PRSS23: variants seen among roughly 807,000 people sequenced by gnomAD.
PRSS23 encodes serine protease 23.
A neutral mutation model predicts 34.7 loss-of-function variants in PRSS23; 25 were observed. The ratio of observed to expected loss-of-function variants is 0.72; its 90% CI spans 0.53 to 1.01. The LOEUF (loss-of-function observed/expected upper bound fraction) is 1.01, where lower values mean the gene tolerates loss of function less well. Ranked by LOEUF, PRSS23 falls within the 50% of genes least tolerant of loss-of-function variation. PRSS23 has a pLI of 0.00. For synonymous variants in PRSS23, 176 were observed against 186.6 expected, an observed-to-expected ratio of 0.94 and a Z score of 0.46; for missense variants, 445 against 475.6, an observed-to-expected ratio of 0.94 and a Z score of 0.60.
chr11:86,857,558 A>G (rs1419457604), intron 2 of PRSS23: 5 of 474,598 alleles, frequency 1.1e-5, no homozygotes, highest in Admixed American at 9.3e-5. Flanking sequence ...CAGGCTAAGG[A>G]AAAAGGACAC....
intron 2 of PRSS23, chr11:86,950,970 T>C (rs548377194): frequency 7.8e-5 from 55 of 705,084 alleles, no homozygotes; most frequent in Admixed American, 1.1e-4. Flanking sequence ...AGCAAAATCA[T>C]TGGTTTTTTG....
At chr11:86,889,396 C>A (rs1276610071) in intron 2 of PRSS23, among the ~76,000 whole-genome samples, 1 of 152,156 alleles carries the variant, frequency 6.6e-6, no homozygotes, top group Admixed American at 6.5e-5. Context: ...GTTCTGGAGG[C>A]TGGAAGTCCA....
At chr11:86,824,130 A>C (rs1033565662) in intron 2 of PRSS23, among the ~76,000 whole-genome samples, 8 of 151,398 alleles carry the variant, frequency 5.3e-5, no homozygotes, top group African/African-American at 1.9e-4. Context: ...CAACATAGTG[A>C]AATCCCGTCT....
intron 2 of PRSS23, among the ~76,000 whole-genome samples, chr11:86,846,699 G>A (rs1286030553): frequency 6.6e-6 from 1 of 152,128 alleles, no homozygotes; most frequent in Non-Finnish European, 1.5e-5. Flanking sequence ...TCCTCATCTT[G>A]TAAGCAAGGT....
intron 2 of PRSS23, among the ~76,000 whole-genome samples, chr11:86,869,285 T>C (rs899784116): frequency 2.6e-5 from 4 of 152,184 alleles, no homozygotes; most frequent in East Asian, 3.8e-4. Context: ...CTAAATACCA[T>C]GATGTATCTA....
intron 2 of PRSS23, chr11:86,837,047 G>A (rs967226766): frequency 6.6e-6 from 1 of 152,092 alleles, no homozygotes; most frequent in Middle Eastern, 3.2e-3. Context: ...ACCTGCCTTA[G>A]AGACACTAGA....
chr11:86,930,493 G>A (rs188459476), intron 2 of PRSS23, among the ~76,000 whole-genome samples: 1 of 152,244 alleles, frequency 6.6e-6, no homozygotes, highest in African/African-American at 2.4e-5. Flanking sequence ...GAAAGTGGAT[G>A]AAGAATGGCT....
chr11:86,819,511 C>A (rs1049632143), intron 1 of PRSS23, among the ~76,000 whole-genome samples: 1 of 151,972 alleles, frequency 6.6e-6, no homozygotes, highest in African/African-American at 2.4e-5. Flanking sequence ...TGAATATAAA[C>A]CCATAATTTC....
chr11:86,800,514 G>A (rs1385130770), upstream of PRSS23: 9 of 984,492 alleles, frequency 9.1e-6, no homozygotes, highest in East Asian at 1.1e-4. Context: ...GGACCCGCCA[G>A]CTGCCTGCGC....
rs201565752 is a variant in PRSS23, at chr11:86,907,342, A to AT, written c.207-43865dup. 1.0e-3 allele frequency among the ~76,000 whole-genome samples: 155 copies of AT among 151,704 alleles called. 1 individual carries two copies. Among genetic ancestry groups the AT allele is most frequent in the East Asian group, 9.7e-3 (50 of 5,176 alleles). On this transcript the variant is annotated intron_variant, in intron 2 of 2. Transcript: ENST00000533902. ...TAAATGTTTATTGAACAAATTAATG[A>AT]TTTTTTTTTCAATCAAAATGTTAGC...
chr11:86,813,672 A>G (rs1353106290), downstream of PRSS23, among the ~76,000 whole-genome samples: 2 of 142,756 alleles, frequency 1.4e-5, no homozygotes, highest in Non-Finnish European at 3.0e-5. Flanking sequence ...ATGTGTTAAT[A>G]TAATGTTAAT....
At chr11:86,833,610 C>T in intron 2 of PRSS23, 1 of 203,502 alleles carries the variant, frequency 4.9e-6, no homozygotes, top group Non-Finnish European at 1.0e-5. Flanking sequence ...TTTTCCCTCC[C>T]ACTGTGCTCT....
At chr11:86,839,077 C>T (rs150136511) in intron 2 of PRSS23, among the ~76,000 whole-genome samples, 16 of 151,316 alleles carry the variant, frequency 1.1e-4, no homozygotes, top group South Asian at 6.3e-4. Context: ...AACAACAGAG[C>T]GCCTCTTCTC....
chr11:86,824,800 G>A (rs1412236669), intron 2 of PRSS23, among the ~76,000 whole-genome samples: 1 of 152,002 alleles, frequency 6.6e-6, no homozygotes, highest in African/African-American at 2.4e-5. Context: ...CCCTACAAAG[G>A]ACATGAACTC....
At chr11:86,869,073 A>G (rs1448293541) in intron 2 of PRSS23, among the ~76,000 whole-genome samples, 2 of 152,158 alleles carry the variant, frequency 1.3e-5, no homozygotes, top group East Asian at 1.9e-4. Context: ...TCAGCCTCCC[A>G]AAGTGCCACT....
chr11:86,875,759 A>G (rs1279693153), intron 2 of PRSS23, among the ~76,000 whole-genome samples: 1 of 152,246 alleles, frequency 6.6e-6, no homozygotes, highest in Non-Finnish European at 1.5e-5. Flanking sequence ...GTAAAGCTGC[A>G]GATAGAGGTT....
intron 1 of PRSS23, among the ~76,000 whole-genome samples, chr11:86,818,174 G>A (rs1948227027): frequency 6.6e-6 from 1 of 152,122 alleles, no homozygotes; most frequent in South Asian, 2.1e-4. Context: ...GCACATATCT[G>A]CAAAGCTGTA....
intron 2 of PRSS23, among the ~76,000 whole-genome samples, chr11:86,834,433 A>G (rs1173547684): frequency 3.3e-5 from 5 of 152,224 alleles, no homozygotes; most frequent in East Asian, 1.9e-4. Flanking sequence ...GGGTCCTTCT[A>G]TAAGCATTTC....
At chr11:86,791,552 CT>C (rs1448188381) in intron 1 of PRSS23, among the ~76,000 whole-genome samples, 2 of 152,244 alleles carry the variant, frequency 1.3e-5, no homozygotes, top group South Asian at 2.1e-4. Flanking sequence ...CTGTGAGGCA[CT>C]TTTCACAAGC....
Sources: gnomAD v4.1 joint callset for allele counts (sites outside exome capture counted in the v4.1 genomes callset) on GRCh38, gnomAD v4.1.1 for gene constraint, MANE v1.5 for transcripts, NCBI Gene and HGNC (gene_info 2026-07-23, HGNC 2026-07-21) for gene names.